Variants in BMP3 observed in about 807,000 individuals in gnomAD.
BMP3 encodes bone morphogenetic protein 3.
A neutral mutation model predicts 38.1 loss-of-function variants in BMP3; 23 were observed. That is an observed-to-expected ratio of 0.60 (90% CI 0.43 to 0.86). The LOEUF is 0.86. BMP3 is among the 40% of genes least tolerant of loss of function. The pLI, the probability that BMP3 is intolerant of heterozygous loss-of-function variation, is 0.00. For missense variants in BMP3, 628 were observed against 579.6 expected (o/e 1.08, Z -0.86); for synonymous variants, 258 against 225.7 (o/e 1.14, Z -1.28).
intron 1 of BMP3, among the ~76,000 whole-genome samples, chr4:81,039,549 C>T (rs1291800825): frequency 3.3e-5 from 5 of 152,116 alleles, no homozygotes; most frequent in Non-Finnish European, 7.3e-5. Context: ...AAGTCAGAAC[C>T]CGACTTCCTG....
chr4:81,031,219 C>A lies in BMP3; in HGVS notation c.-66C>A, dbSNP rs1578291619. 1.4e-6 allele frequency: 2 copies of A among 1,454,554 alleles called. No homozygotes were observed. Among genetic ancestry groups the A allele is most frequent in the East Asian group, 5.0e-5 (2 of 40,104 alleles). 90.1% of individuals were successfully genotyped at this position (1,454,554 alleles called of 1,614,324 possible). On this transcript the variant is annotated 5_prime_UTR_variant, in exon 1 of 3. Coordinates refer to ENST00000282701, the MANE Select transcript of BMP3 (RefSeq NM_001201.5). ...GTTCAACCCTCGGCTCCGCCGCCGG[C>A]TCCTTGCGCCTTCGGAGTGTCCCGC...
chr4:81,043,637 G>A (rs1383204711), intron 1 of BMP3, among the ~76,000 whole-genome samples: 1 of 147,780 alleles, frequency 6.8e-6, no homozygotes, highest in Admixed American at 6.9e-5. Flanking sequence ...GCCCAGGCTG[G>A]TGTGCAGTAG....
chr4:81,035,995 ATT>A (rs1739913473), intron 1 of BMP3, among the ~76,000 whole-genome samples: 1 of 151,906 alleles, frequency 6.6e-6, no homozygotes, highest in African/African-American at 2.4e-5. Context: ...AACTTATATT[ATT>A]ACATTTTGGA....
chr4:81,031,059 A>G lies in BMP3; in HGVS notation c.-226A>G. ...GCGCCCGCAGCGCCCTGCGCGGGTG[A>G]GGTCCGCGCAGCTGCTGGGGAAGAG... On this transcript the variant is annotated 5_prime_UTR_variant, in exon 1 of 3. Transcript: ENST00000282701. 1 of 535,042 alleles carries G rather than the reference A, an allele frequency of 1.9e-6. No homozygotes were observed. Among genetic ancestry groups the G allele is most frequent in the Non-Finnish European group, 3.2e-6 (1 of 308,908 alleles). The allele number at this position is 535,042 out of a possible 1,614,324, so 33.1% of individuals were successfully genotyped here.
At chr4:81,031,815 G>A (rs944017525) in intron 1 of BMP3, among the ~76,000 whole-genome samples, 1 of 152,138 alleles carries the variant, frequency 6.6e-6, no homozygotes, top group African/African-American at 2.4e-5. Flanking sequence ...CAAAGTGAGA[G>A]GGGGAAATAG....
chr4:81,048,699 G>T (rs1264760416), intron 2 of BMP3, among the ~76,000 whole-genome samples: 6 of 152,146 alleles, frequency 3.9e-5, no homozygotes, highest in African/African-American at 1.4e-4. Context: ...TGAGGAATAA[G>T]GTAAAAATAG....
rs186838650 is a variant in BMP3 at position 81,049,796 on chromosome 4, T to C, written c.1227+3148T>C. Among the ~76,000 whole-genome samples the C allele has an allele frequency of 2.7e-4, 41 of 152,222 alleles. 1 individual carries two copies. The highest frequency in any genetic ancestry group is 3.4e-3 in the Middle Eastern group (1 of 294). On this transcript the variant is annotated intron_variant, in intron 2 of 2. Coordinates refer to ENST00000282701, the MANE Select transcript of BMP3 (RefSeq NM_001201.5). The stretch of plus-strand genomic sequence containing the variant: ...GTGAACTTTGTAAATAAAAATATAG[T>C]CTAAGCAACAGAGGAGAATCAAGGC...
intron 2 of BMP3, among the ~76,000 whole-genome samples, chr4:81,047,026 A>C (rs955374174): frequency 3.9e-5 from 6 of 152,208 alleles, no homozygotes; most frequent in African/African-American, 1.4e-4. Flanking sequence ...AAGAGTATTC[A>C]AGGAATAAGT....
intron 2 of BMP3, among the ~76,000 whole-genome samples, chr4:81,047,021 T>A (rs563912835): frequency 2.0e-5 from 3 of 152,148 alleles, no homozygotes; most frequent in Non-Finnish European, 2.9e-5. Context: ...CTTGGAAGAG[T>A]ATTCAAGGAA....
chr4:81,051,777 T>C lies in BMP3; in HGVS notation c.1228-1568T>C, dbSNP rs187265225. ...CTCAAGGGAGGAATAACTTGCTTTG[T>C]AATGAATTAAAGCTAATTAATTCAA... On this transcript the variant is annotated intron_variant, in intron 2 of 2. Coordinates refer to ENST00000282701, the MANE Select transcript of BMP3 (RefSeq NM_001201.5). Among the ~76,000 whole-genome samples, 486 of 152,304 alleles carry C rather than the reference T, an allele frequency of 3.2e-3. 4 individuals are homozygous for C. The highest frequency in any genetic ancestry group is 6.8e-3 in the Middle Eastern group (2 of 294).
At chr4:81,050,847 AT>A (rs1343479893) in intron 2 of BMP3, among the ~76,000 whole-genome samples, 1 of 152,152 alleles carries the variant, frequency 6.6e-6, no homozygotes, top group East Asian at 1.9e-4. Context: ...TGATATATTA[AT>A]TTTTTAACTT....
At chr4:81,051,603 C>CT (rs1163859760) in intron 2 of BMP3, among the ~76,000 whole-genome samples, 2 of 152,150 alleles carry the variant, frequency 1.3e-5, no homozygotes, top group African/African-American at 4.8e-5. Context: ...GCTGCAAAAG[C>CT]TTTCTTTAGA....
chr4:81,032,215 A>C (rs1018731145), intron 1 of BMP3, among the ~76,000 whole-genome samples: 2 of 140,196 alleles, frequency 1.4e-5, no homozygotes, highest in African/African-American at 2.8e-5. Context: ...AAAAAAAAAA[A>C]AAAAACAGGT....
rs1106107 is a variant in BMP3 at position 81,032,591 on chromosome 4, G to T, written c.316+991G>T. On this transcript the variant is annotated intron_variant, in intron 1 of 2. Coordinates refer to ENST00000282701, the MANE Select transcript of BMP3 (RefSeq NM_001201.5). Reference sequence around the variant, plus strand: ...AAGGGGAAATGTAACTGCAAAGCCTGTCTTCAGTGAACAGTTGAACAATAG... The same window carrying T: ...AAGGGGAAATGTAACTGCAAAGCCTTTCTTCAGTGAACAGTTGAACAATAG... Among the ~76,000 whole-genome samples the T allele has an allele frequency of 2.0e-5, 3 of 152,098 alleles. No homozygotes were observed. The South Asian group carries it at 6.2e-4, about 31-fold the overall frequency.
intron 1 of BMP3, among the ~76,000 whole-genome samples, chr4:81,040,382 T>C (rs1348297573): frequency 6.6e-6 from 1 of 152,168 alleles, no homozygotes; most frequent in Admixed American, 6.5e-5. Context: ...CATCCTCCTG[T>C]AATAGTCTTG....
At chr4:81,032,221 C>G (rs1201335671) in intron 1 of BMP3, among the ~76,000 whole-genome samples, 1 of 39,544 alleles carries the variant, frequency 2.5e-5, no homozygotes, top group East Asian at 8.3e-4. Context: ...AAAAAAAAAA[C>G]AGGTGCTTGG....
chr4:81,043,613 C>T (rs1052457987), intron 1 of BMP3, among the ~76,000 whole-genome samples: 1 of 88,414 alleles, frequency 1.1e-5, no homozygotes, highest in South Asian at 5.6e-4. Flanking sequence ...TTTGAGACAG[C>T]GTCTCACTCT....
chr4:81,046,639 C>T lies in BMP3; in HGVS notation c.1218C>T (p.Pro406=). 1 of 1,610,148 alleles carries T rather than the reference C, an allele frequency of 6.2e-7. No individual in the cohort carries two copies. Among genetic ancestry groups the T allele is most frequent in the Non-Finnish European group, 8.5e-7 (1 of 1,177,824 alleles). The change falls in exon 2 of 3, where the codon CCC becomes CCT. Residue 406 remains proline, a synonymous_variant. Coordinates refer to ENST00000282701, the MANE Select transcript of BMP3 (RefSeq NM_001201.5). Reference sequence around the variant, plus strand: ...ATTGCTCTGGAGCATGCCAGTTCCCCATGCCAAAGGTAGCCATTGTTCTCT... The same window carrying T: ...ATTGCTCTGGAGCATGCCAGTTCCCTATGCCAAAGGTAGCCATTGTTCTCT... The part of the protein sequence containing the change: ...AYYCSGACQF[P]MPKSLKPSNH...
At chr4:81,047,348 G>C (rs1740279186) in intron 2 of BMP3, among the ~76,000 whole-genome samples, 1 of 152,100 alleles carries the variant, frequency 6.6e-6, no homozygotes, top group Non-Finnish European at 1.5e-5. Flanking sequence ...TCAGTTCTCA[G>C]TCTCCTGACA....
Sources: allele counts gnomAD v4.1 joint callset (sites outside exome capture counted in the v4.1 genomes callset), GRCh38; gene constraint gnomAD v4.1.1; transcripts MANE v1.5; gene names NCBI Gene and HGNC (gene_info 2026-07-23, HGNC 2026-07-21).